VAV2: variants seen among roughly 807,000 people sequenced by gnomAD.
VAV2 encodes the protein vav guanine nucleotide exchange factor 2.
VAV2 carries 67 observed loss-of-function variants against 132.5 expected under a neutral mutation model. The ratio of observed to expected loss-of-function variants is 0.51; its 90% confidence interval spans 0.42 to 0.62. The LOEUF is 0.62. VAV2 is among the 20% of genes least tolerant of loss of function. VAV2 has a pLI of 0.00. For missense variants in VAV2, 938 were observed against 1,153.6 expected (o/e 0.81, Z 2.71); for synonymous variants, 492 against 443.5 (o/e 1.11, Z -1.37).
chr9:133,794,952 C>G lies in VAV2; in HGVS notation c.1101+716G>C, dbSNP rs377311222. ...CTGTCCACAGTGAAGGCAGGATGAGCAGGACGTGGCCAGGTGACGAGGAGG... is the reference window on the plus strand; with the variant it reads ...CTGTCCACAGTGAAGGCAGGATGAGGAGGACGTGGCCAGGTGACGAGGAGG... On this transcript the variant is annotated intron_variant, in intron 12 of 29. Transcript: ENST00000371850. The surrounding 1 kb of genome is among the most constrained non-coding windows in gnomAD (Gnocchi z 4.6). Among the ~76,000 whole-genome samples the G allele has an allele frequency of 2.6e-5, 4 of 152,336 alleles. No individual in the cohort carries two copies. The South Asian group carries it at 8.3e-4, about 32-fold the overall frequency.
chr9:133,916,309 G>T (rs55919234), intron 2 of VAV2, among the ~76,000 whole-genome samples: 2 of 152,228 alleles, frequency 1.3e-5, no homozygotes, highest in African/African-American at 4.8e-5. Flanking sequence ...AATTGCCCGC[G>T]GAGCCTGTGA....
chr9:133,896,180 C>G (rs1054071895), intron 2 of VAV2, among the ~76,000 whole-genome samples: 4 of 152,290 alleles, frequency 2.6e-5, no homozygotes, highest in African/African-American at 9.6e-5. Flanking sequence ...GTAGGTCGGG[C>G]GCAGTGGCTT....
chr9:133,773,847 T>A (rs7035905), intron 25 of VAV2, among the ~76,000 whole-genome samples: 20,971 of 152,224 alleles, frequency 0.14, 3,241 homozygotes, highest in African/African-American at 0.38. Flanking sequence ...ACATACTATG[T>A]ATGTGCAGAA....
chr9:133,783,684 C>T, intron 18 of VAV2, 93 bp from the exon 19 acceptor site: 1 of 1,163,030 alleles, frequency 8.6e-7, no homozygotes, highest in South Asian at 1.3e-5. Context: ...CACCCAGGCT[C>T]ACCTGGCTGG....
intron 19 of VAV2, among the ~76,000 whole-genome samples, chr9:133,782,112 G>A (rs571347395): frequency 6.7e-6 from 1 of 149,708 alleles, no homozygotes; most frequent in South Asian, 2.1e-4. Flanking sequence ...GGGGCGGGGC[G>A]GGGGAGGAAC....
chr9:133,875,792 G>C (rs918864129), intron 2 of VAV2, among the ~76,000 whole-genome samples: 3 of 152,168 alleles, frequency 2.0e-5, no homozygotes, highest in African/African-American at 7.2e-5. Flanking sequence ...CATCCTGCCT[G>C]GGCTAAGGGG....
intron 3 of VAV2, among the ~76,000 whole-genome samples, chr9:133,841,205 G>A (rs2131809791): frequency 6.6e-6 from 1 of 152,170 alleles, no homozygotes; most frequent in South Asian, 2.1e-4. Flanking sequence ...GTTCAATGGG[G>A]AGCACGACCG....
chr9:133,906,556 T>G (rs1261565116), intron 2 of VAV2, among the ~76,000 whole-genome samples: 2 of 151,980 alleles, frequency 1.3e-5, no homozygotes, highest in Non-Finnish European at 2.9e-5. Flanking sequence ...CAGCCGGCAA[T>G]GAAACCAGGT....
rs746767027 is a variant in VAV2 at position 133,855,776 on chromosome 9, C to T, written c.380+5598G>A. Among the ~76,000 whole-genome samples the T allele has an allele frequency of 3.0e-4, 45 of 152,232 alleles. 1 individual carries two copies. Among genetic ancestry groups the T allele is most frequent in the Non-Finnish European group, 5.7e-4 (39 of 68,044 alleles). The stretch of plus-strand genomic sequence containing the variant: ...GTATGTCTGATATTCTGAGAATTCA[C>T]TTCAAATTGAAGCAGGAAGTTCCAG... On this transcript the variant is annotated intron_variant, in intron 3 of 29. Coordinates refer to ENST00000371850, the MANE Select transcript of VAV2 (RefSeq NM_001134398.2).
At chr9:133,930,276 T>G (rs1433091445) in intron 2 of VAV2, among the ~76,000 whole-genome samples, 1 of 145,902 alleles carries the variant, frequency 6.9e-6, no homozygotes, top group African/African-American at 2.6e-5. Context: ...CTACCCTCCC[T>G]GCCTCCACCC....
At chr9:133,895,702 A>G (rs1428570380) in intron 2 of VAV2, among the ~76,000 whole-genome samples, 1 of 152,188 alleles carries the variant, frequency 6.6e-6, no homozygotes, top group Non-Finnish European at 1.5e-5. Context: ...GGGTAATGAA[A>G]GCGTTTTAAA....
intron 4 of VAV2, among the ~76,000 whole-genome samples, chr9:133,832,761 G>A (rs1306619244): frequency 6.6e-6 from 1 of 152,064 alleles, no homozygotes; most frequent in Non-Finnish European, 1.5e-5. Context: ...GTTTCACCAT[G>A]TTGGCCAGAC....
At chr9:133,985,270 GTGTGTTTTGT>G (rs1174126421) in intron 1 of VAV2, among the ~76,000 whole-genome samples, 1 of 113,362 alleles carries the variant, frequency 8.8e-6, no homozygotes, top group Non-Finnish European at 1.9e-5. Flanking sequence ...GTGTGTGTGT[GTGTGTTTTGT>G]TTTTGTTTTT....
chr9:133,938,475 C>A (rs1471538475), intron 2 of VAV2, among the ~76,000 whole-genome samples: 1 of 147,908 alleles, frequency 6.8e-6, no homozygotes, highest in East Asian at 2.1e-4. Flanking sequence ...CACCTGCCAG[C>A]CTCAGGGTCC....
Position 133,774,986 on chromosome 9 carries a change from T to G in VAV2, c.2084A>C (p.Tyr695Ser), listed in dbSNP as rs1833763090. Residue 695 changes from tyrosine (Y) to serine (S), a missense_variant, in exon 25 of 30, where the codon TAC becomes TCC. Tyr to Ser is a moderately radical substitution (Grantham distance 144, BLOSUM62 -2). Transcript: ENST00000371850. ...NLLKSHASGT[Y>S]LIRERPAEAE... The stretch of plus-strand genomic sequence containing the variant: ...CTCGGCAGGCCGCTCCCTGATCAGG[T>G]AGGTCCCGCTGGCGTGGGACTTGAG... 6.2e-7 allele frequency: 1 copy of G among 1,613,572 alleles called. No individual in the cohort carries two copies. The highest frequency in any genetic ancestry group is 2.2e-5 in the East Asian group (1 of 44,866).
chr9:133,792,453 G>A (rs1347274781), intron 12 of VAV2, among the ~76,000 whole-genome samples: 2 of 118,442 alleles, frequency 1.7e-5, no homozygotes, highest in African/African-American at 6.6e-5. Context: ...GTACTGGGTA[G>A]GGTGTGTGTG....
At chr9:133,872,805 G>A (rs1004690374) in intron 2 of VAV2, among the ~76,000 whole-genome samples, 19 of 152,098 alleles carry the variant, frequency 1.2e-4, no homozygotes, top group African/African-American at 4.6e-4. Context: ...CGCTCAAGAA[G>A]CGGGGCAGAT....
intron 29 of VAV2, among the ~76,000 whole-genome samples, chr9:133,767,931 C>T (rs765246450): frequency 3.3e-5 from 5 of 152,096 alleles, no homozygotes; most frequent in Non-Finnish European, 7.4e-5. Flanking sequence ...CTTAGGGTGG[C>T]CAGGGCACTC....
chr9:133,835,320 T>C (rs1172762864), intron 3 of VAV2, among the ~76,000 whole-genome samples: 1 of 149,756 alleles, frequency 6.7e-6, no homozygotes, highest in Non-Finnish European at 1.5e-5. Context: ...CAGGCCTCCC[T>C]GCATAAGGCG....
Sources: allele counts gnomAD v4.1 joint callset (sites outside exome capture counted in the v4.1 genomes callset), GRCh38; gene constraint gnomAD v4.1.1; non-coding constraint Gnocchi (gnomAD v3.1); transcripts MANE v1.5; gene names NCBI Gene and HGNC (gene_info 2026-07-23, HGNC 2026-07-21).